Variants in ZZZ3 observed in about 807,000 individuals in gnomAD.
ZZZ3 encodes ZZ-type zinc finger-containing protein 3.
In ZZZ3, 22 loss-of-function variants were observed where a neutral mutation model predicts 95.2. The ratio of observed to expected loss-of-function variants is 0.23; its 90% CI spans 0.17 to 0.33. The LOEUF is 0.33. Among genes scored for constraint, ZZZ3 ranks in the 10% least tolerant of loss-of-function variants. The pLI is 1.00. For synonymous variants in ZZZ3, 335 were observed against 358.9 expected (o/e 0.93, Z 0.75); for missense variants, 885 against 1,066.5 (o/e 0.83, Z 2.37).
chr1:77,644,498 G>A (rs1205315180), intron 1 of ZZZ3, among the ~76,000 whole-genome samples: 1 of 152,218 alleles, frequency 6.6e-6, no homozygotes, highest in Non-Finnish European at 1.5e-5. Context: ...TGTCTTGGAT[G>A]CCTTCTATAG....
At chr1:77,611,826 A>T (rs1665840712) in intron 5 of ZZZ3, among the ~76,000 whole-genome samples, 1 of 152,050 alleles carries the variant, frequency 6.6e-6, no homozygotes, top group African/African-American at 2.4e-5. Context: ...TACAAAAATC[A>T]AATGAAAACG....
chr1:77,570,330 C>T lies in ZZZ3; in HGVS notation c.2332-1864G>A, dbSNP rs55790102. 4.8e-3 allele frequency among the ~76,000 whole-genome samples: 726 copies of T among 152,252 alleles called. 6 individuals carry two copies. The highest frequency in any genetic ancestry group is 0.017 in the African/African-American group (695 of 41,532). On this transcript the variant is annotated intron_variant, in intron 12 of 14. Transcript: ENST00000370801. ...GTGTTAGCCGGGATGGTCTCGATCTCCTGACCTCGTGATCTGCCTGCCTCA... is the reference window on the plus strand; with the variant it reads ...GTGTTAGCCGGGATGGTCTCGATCTTCTGACCTCGTGATCTGCCTGCCTCA...
At chr1:77,625,842 T>A (rs1284681723) in intron 5 of ZZZ3, among the ~76,000 whole-genome samples, 4 of 145,114 alleles carry the variant, frequency 2.8e-5, no homozygotes, top group Non-Finnish European at 3.0e-5. Context: ...AAAAAAAAAA[T>A]ACAAAAACTA....
chr1:77,635,616 C>T (rs2100867239), intron 4 of ZZZ3, among the ~76,000 whole-genome samples: 1 of 152,254 alleles, frequency 6.6e-6, no homozygotes, highest in African/African-American at 2.4e-5. Flanking sequence ...TTTAAAAGAA[C>T]ACAAACTGGC....
At chr1:77,624,940 T>G (rs1002431225) in intron 5 of ZZZ3, among the ~76,000 whole-genome samples, 1 of 152,150 alleles carries the variant, frequency 6.6e-6, no homozygotes, top group Non-Finnish European at 1.5e-5. Context: ...GTCAGAGAAT[T>G]GGTCAGTGGG....
At chr1:77,602,602 A>ATTTTTTTTTTTT (rs33915566) in intron 5 of ZZZ3, among the ~76,000 whole-genome samples, 1 of 117,962 alleles carries the variant, frequency 8.5e-6, no homozygotes, top group Non-Finnish European at 1.7e-5. Flanking sequence ...ATTTTTACTG[A>ATTTTTTTTTTTT]TTTTTTTTTT....
chr1:77,624,623 C>T (rs748263470), intron 5 of ZZZ3, among the ~76,000 whole-genome samples: 3 of 152,178 alleles, frequency 2.0e-5, no homozygotes, highest in Non-Finnish European at 4.4e-5. Flanking sequence ...ATACATATCT[C>T]TTCATCTGAC....
intron 5 of ZZZ3, among the ~76,000 whole-genome samples, chr1:77,587,948 AC>A (rs536660711): frequency 7.8e-4 from 119 of 152,336 alleles, no homozygotes; most frequent in African/African-American, 2.7e-3. Flanking sequence ...TTTCTTAATA[AC>A]ATCTTCTGTT....
chr1:77,610,475 A>G (rs950064156), intron 5 of ZZZ3, among the ~76,000 whole-genome samples: 1 of 151,984 alleles, frequency 6.6e-6, no homozygotes, highest in African/African-American at 2.4e-5. Context: ...ATGAAGTATT[A>G]CCCTGATACT....
At chr1:77,642,102 T>C (rs1200669404) in intron 1 of ZZZ3, among the ~76,000 whole-genome samples, 1 of 152,210 alleles carries the variant, frequency 6.6e-6, no homozygotes, top group Non-Finnish European at 1.5e-5. Flanking sequence ...ACTTTAAACA[T>C]CTGATATCTT....
At chr1:77,608,727 A>T (rs1665489193) in intron 5 of ZZZ3, among the ~76,000 whole-genome samples, 1 of 152,208 alleles carries the variant, frequency 6.6e-6, no homozygotes, top group Non-Finnish European at 1.5e-5. Context: ...AACAATAAAA[A>T]GTTAAAAAGC....
chr1:77,642,592 A>C (rs921316389), intron 1 of ZZZ3, among the ~76,000 whole-genome samples: 14 of 151,994 alleles, frequency 9.2e-5, no homozygotes, highest in African/African-American at 1.7e-4. Context: ...CAAAACAAAA[A>C]AAAAAAAAAT....
intron 5 of ZZZ3, among the ~76,000 whole-genome samples, chr1:77,630,979 C>T (rs1446275116): frequency 1.3e-5 from 2 of 152,146 alleles, no homozygotes; most frequent in African/African-American, 2.4e-5. Context: ...AGGTAATTAA[C>T]TTATTACATA....
intron 1 of ZZZ3, among the ~76,000 whole-genome samples, chr1:77,679,574 C>A: frequency 6.6e-6 from 1 of 152,104 alleles, no homozygotes; most frequent in East Asian, 1.9e-4. Flanking sequence ...GCGTGAGCCA[C>A]CAGGCCCAGC....
intron 1 of ZZZ3, among the ~76,000 whole-genome samples, chr1:77,657,291 T>G (rs1404677591): frequency 6.6e-6 from 1 of 152,220 alleles, no homozygotes; most frequent in Non-Finnish European, 1.5e-5. Flanking sequence ...CTAAAAACAC[T>G]TTTATATTGC....
chr1:77,616,120 T>C (rs1666288648), intron 5 of ZZZ3, among the ~76,000 whole-genome samples: 1 of 152,152 alleles, frequency 6.6e-6, no homozygotes, highest in Non-Finnish European at 1.5e-5. Flanking sequence ...ACCCCTGCTC[T>C]TGAGGAAATC....
chr1:77,631,807 T>C (rs748749925), intron 5 of ZZZ3, 43 bp downstream of exon 5: 17 of 1,440,746 alleles, frequency 1.2e-5, no homozygotes, highest in Admixed American at 2.3e-5. Context: ...ACTTGGGGAA[T>C]AATAAACAAA....
chr1:77,588,454 G>GAA (rs200060242), intron 5 of ZZZ3, among the ~76,000 whole-genome samples: 5 of 145,460 alleles, frequency 3.4e-5, no homozygotes, highest in African/African-American at 1.0e-4. Context: ...AGCTATGCAG[G>GAA]AAAAAAAAAA....
chr1:77,609,709 T>C (rs1041065930), intron 5 of ZZZ3, among the ~76,000 whole-genome samples: 3 of 151,948 alleles, frequency 2.0e-5, no homozygotes, highest in African/African-American at 4.8e-5. Flanking sequence ...CACAATGGAA[T>C]AAAACTAGAA....
Sources: allele counts gnomAD v4.1 joint callset (sites outside exome capture counted in the v4.1 genomes callset), GRCh38; gene constraint gnomAD v4.1.1; transcripts MANE v1.5; gene names NCBI Gene and HGNC (gene_info 2026-07-23, HGNC 2026-07-21).